The following WDR47 variants were observed in gnomAD, a reference collection of about 807,000 sequenced individuals.
WDR47 encodes WD repeat-containing protein 47.
WDR47 carries 32 observed loss-of-function variants against 97.2 expected under a neutral mutation model. That is an observed-to-expected ratio of 0.33 (90% CI 0.25 to 0.44). WDR47 has a LOEUF of 0.44. WDR47 is among the 20% of genes least tolerant of loss of function. The probability of loss-of-function intolerance (pLI) is 1.00; values close to 1 mark genes in which losing one functional copy is unlikely to be tolerated. For synonymous variants in WDR47, 375 were observed against 373.5 expected, an observed-to-expected ratio of 1.00 and a Z score of -0.05; for missense variants, 782 against 1,102.3, an observed-to-expected ratio of 0.71 and a Z score of 4.11.
At chr1:108,984,456 C>T (rs962725443) in intron 10 of WDR47, among the ~76,000 whole-genome samples, 1 of 152,116 alleles carries the variant, frequency 6.6e-6, no homozygotes. Flanking sequence ...GCAAATGTGA[C>T]AAAAATCTTG....
chr1:108,972,510 A>C (rs1007603314), intron 14 of WDR47, among the ~76,000 whole-genome samples: 16 of 152,156 alleles, frequency 1.1e-4, no homozygotes, highest in African/African-American at 3.9e-4. Flanking sequence ...ACTATAATAA[A>C]TGTACCACTG....
intron 5 of WDR47, among the ~76,000 whole-genome samples, chr1:109,006,399 C>CA (rs1160250674): frequency 3.3e-5 from 5 of 152,070 alleles, no homozygotes; most frequent in African/African-American, 1.2e-4. Flanking sequence ...GTTTCAAAAA[C>CA]AAAAGACTGA....
chr1:109,016,472 A>C (rs1661425219), intron 3 of WDR47, among the ~76,000 whole-genome samples: 1 of 152,154 alleles, frequency 6.6e-6, no homozygotes. Context: ...ACGACGTCAC[A>C]GTAGGAAACA....
At chr1:108,983,950 G>C (rs762742429) in intron 10 of WDR47, among the ~76,000 whole-genome samples, 1 of 152,230 alleles carries the variant, frequency 6.6e-6, no homozygotes, top group Non-Finnish European at 1.5e-5. Context: ...GCAAGTATAA[G>C]TTGTTACATA....
chr1:109,029,454 G>A (rs1442416015), intron 1 of WDR47, among the ~76,000 whole-genome samples: 2 of 152,094 alleles, frequency 1.3e-5, no homozygotes, highest in Admixed American at 6.6e-5. Flanking sequence ...GAGGTCAGGA[G>A]TTCGAAACCA....
intron 13 of WDR47, among the ~76,000 whole-genome samples, chr1:108,978,500 A>C (rs1156308263): frequency 6.6e-6 from 1 of 152,160 alleles, no homozygotes; most frequent in East Asian, 1.9e-4. Flanking sequence ...AAGCAAAAAA[A>C]AAAAAAAAGA....
intron 5 of WDR47, among the ~76,000 whole-genome samples, chr1:109,008,240 G>GTTTT (rs1660772054): frequency 6.6e-6 from 1 of 151,950 alleles, no homozygotes; most frequent in East Asian, 1.9e-4. Flanking sequence ...CAACTTAACA[G>GTTTT]AAAAGGCTTC....
intron 7 of WDR47, among the ~76,000 whole-genome samples, chr1:109,000,836 A>C (rs955377622): frequency 1.3e-5 from 2 of 152,218 alleles, no homozygotes; most frequent in African/African-American, 4.8e-5. Context: ...AAGAGCTAAC[A>C]GTCACCATTA....
chr1:109,005,084 G>A (rs993728380), intron 5 of WDR47, among the ~76,000 whole-genome samples: 59 of 151,202 alleles, frequency 3.9e-4, no homozygotes, highest in Non-Finnish European at 1.2e-4. Context: ...GAGCCACCAC[G>A]CTCAGCCAAG....
At chr1:109,004,334 T>TAAA (rs1660426394) in intron 6 of WDR47, among the ~76,000 whole-genome samples, 1 of 152,068 alleles carries the variant, frequency 6.6e-6, no homozygotes, top group Admixed American at 6.6e-5. Flanking sequence ...GCAAAGCATG[T>TAAA]AAAACATGCA....
At chr1:109,037,696 T>C (rs1019089112) in intron 1 of WDR47, among the ~76,000 whole-genome samples, 2 of 151,452 alleles carry the variant, frequency 1.3e-5, no homozygotes, top group African/African-American at 4.9e-5. Flanking sequence ...AAAGGTTCCA[T>C]TTTCTTTTTC....
chr1:108,989,464 T>C (rs751930299), intron 9 of WDR47, among the ~76,000 whole-genome samples: 9 of 152,348 alleles, frequency 5.9e-5, no homozygotes, highest in East Asian at 3.9e-4. Context: ...TGTAAGTGAA[T>C]TGAATTCTGA....
intron 3 of WDR47, among the ~76,000 whole-genome samples, chr1:109,015,913 G>A (rs1287060878): frequency 1.4e-5 from 2 of 147,874 alleles, no homozygotes. Context: ...AACCTGGGAA[G>A]CAGAGGTTGC....
intron 10 of WDR47, among the ~76,000 whole-genome samples, chr1:108,984,295 C>A (rs557138303): frequency 6.6e-6 from 1 of 152,176 alleles, no homozygotes; most frequent in Admixed American, 6.5e-5. Flanking sequence ...TAATATGACA[C>A]TAAAGATTTC....
At chr1:109,022,037 G>A (rs1205722905) in intron 2 of WDR47, among the ~76,000 whole-genome samples, 13 of 151,800 alleles carry the variant, frequency 8.6e-5, no homozygotes, top group Admixed American at 8.6e-4. Flanking sequence ...TAGTAGAGAC[G>A]GGGTTTCACT....
intron 8 of WDR47, among the ~76,000 whole-genome samples, chr1:108,993,461 T>A (rs768432612): frequency 3.3e-5 from 5 of 151,854 alleles, no homozygotes; most frequent in Admixed American, 6.6e-5. Context: ...TACCCAGCTA[T>A]ACTAACAAAA....
intron 4 of WDR47, among the ~76,000 whole-genome samples, chr1:109,012,730 C>T (rs1351131762): frequency 6.6e-6 from 1 of 152,026 alleles, no homozygotes; most frequent in Non-Finnish European, 1.5e-5. Flanking sequence ...ATGTAAGGAA[C>T]TTCAGCACTC....
chr1:108,975,620 C>CA (rs1342001055), intron 13 of WDR47, among the ~76,000 whole-genome samples: 39 of 143,540 alleles, frequency 2.7e-4, no homozygotes, highest in Non-Finnish European at 5.2e-4. Context: ...GACTCCATCT[C>CA]AAAAAAAAAT....
chr1:108,999,356 AAC>A (rs1317709224), intron 7 of WDR47, among the ~76,000 whole-genome samples: 1 of 152,122 alleles, frequency 6.6e-6, no homozygotes, highest in Non-Finnish European at 1.5e-5. Context: ...CCATGTCAAA[AAC>A]AAAAAACAAA....
Sources: allele counts gnomAD v4.1 joint callset (sites outside exome capture counted in the v4.1 genomes callset), GRCh38; gene constraint gnomAD v4.1.1; transcripts MANE v1.5; gene names NCBI Gene and HGNC (gene_info 2026-07-23, HGNC 2026-07-21).